KIR2DL3: variants seen among roughly 807,000 people sequenced by gnomAD.
The protein encoded by KIR2DL3 is killer cell immunoglobulin like receptor, two Ig domains and long cytoplasmic tail 3.
KIR2DL3 carries 39 observed loss-of-function variants against 33.8 expected under a neutral mutation model. The observed-to-expected ratio is 1.15, with a 90% confidence interval of 0.89 to 1.51. The LOEUF (loss-of-function observed/expected upper bound fraction) is 1.51, where lower values mean the gene tolerates loss of function less well. Among genes scored for constraint, KIR2DL3 ranks in the 40% most tolerant of loss-of-function variants. The pLI, the probability that KIR2DL3 is intolerant of heterozygous loss-of-function variation, is 0.00. For synonymous variants in KIR2DL3, 174 were observed against 160.2 expected (o/e 1.09, Z -0.65); for missense variants, 462 against 426.2 (o/e 1.08, Z -0.74).
intron 5 of KIR2DL3, 141 bp downstream of exon 5, chr19:54,747,526 G>C: frequency 8.7e-7 from 1 of 1,148,498 alleles, no homozygotes; most frequent in Non-Finnish European, 1.3e-6. Context: ...TACTCCAACA[G>C]CGAAAGGGAT....
chr19:54,744,952 A>ATTTTT (rs1158879610), intron 4 of KIR2DL3, among the ~76,000 whole-genome samples: 53 of 27,202 alleles, frequency 1.9e-3, no homozygotes, highest in African/African-American at 4.6e-3. Flanking sequence ...ATATATATAT[A>ATTTTT]TATTTTTTTT....
chr19:54,744,849 G>A (rs1402408062), intron 4 of KIR2DL3, among the ~76,000 whole-genome samples: 1 of 132,674 alleles, frequency 7.5e-6, no homozygotes, highest in Non-Finnish European at 1.6e-5. Context: ...TAAGTGTAAA[G>A]TCTAGTGGTC....
rs1253336906 is a variant in KIR2DL3, at chr19:54,749,933, A to G, written c.716-1716A>G. ...AAAATAAGAAATACATAAATATAATAAAACACACACGAATGACAAAGGCAC... is the reference window on the plus strand; with the variant it reads ...AAAATAAGAAATACATAAATATAATGAAACACACACGAATGACAAAGGCAC... On this transcript the variant is annotated intron_variant, in intron 5 of 7. Transcript: ENST00000342376. 3.1e-4 allele frequency among the ~76,000 whole-genome samples: 33 copies of G among 106,380 alleles called. 8 individuals are homozygous for G. Among genetic ancestry groups the G allele is most frequent in the Admixed American group, 1.0e-4 (1 of 9,886 alleles). 69.8% of individuals were successfully genotyped at this position (106,380 alleles called of 152,430 possible). A position where few individuals can be genotyped will look rare whatever the true frequency, so the allele number is the denominator to read the frequency against.
chr19:54,743,708 T>A, intron 3 of KIR2DL3, 87 bp from the exon 4 acceptor site: 1 of 1,014,142 alleles, frequency 9.9e-7, no homozygotes, highest in Non-Finnish European at 1.4e-6. Flanking sequence ...CATTAGGTCA[T>A]AGAGCAGGGG....
chr19:54,741,929 G>A, intron 2 of KIR2DL3, 51 bp from the exon 3 acceptor site: 2 of 1,472,644 alleles, frequency 1.4e-6, no homozygotes, highest in Non-Finnish European at 1.9e-6. Flanking sequence ...AGGTGCCATG[G>A]ATGGGATGAT....
chr19:54,742,086 T>C lies in KIR2DL3; in HGVS notation c.177T>C (p.Leu59=). The C allele has an allele frequency of 6.2e-7, 1 of 1,613,716 alleles. No homozygotes were observed. The highest frequency in any genetic ancestry group is 1.3e-5 in the African/African-American group (1 of 74,896). ...CAGATGTCAGGTTTCAGCACTTCCT[T>C]CTGCACAGAGAAGGGAAGTTTAAGG... ...CWSDVRFQHF[L]LHREGKFKDT... Residue 59 remains leucine (L), a synonymous_variant, in exon 3 of 8, where the codon CTT becomes CTC. Coordinates refer to ENST00000342376, the MANE Select transcript of KIR2DL3 (RefSeq NM_015868.3).
At chr19:54,745,546 T>G (rs1344442559) in intron 4 of KIR2DL3, among the ~76,000 whole-genome samples, 1 of 150,860 alleles carries the variant, frequency 6.6e-6, no homozygotes, top group South Asian at 2.1e-4. Context: ...TTTTTTTTAG[T>G]ATAGATGGGG....
At chr19:54,745,767 T>C (rs973289286) in intron 4 of KIR2DL3, among the ~76,000 whole-genome samples, 11 of 151,370 alleles carry the variant, frequency 7.3e-5, no homozygotes, top group African/African-American at 2.2e-4. Context: ...TCTACCACTT[T>C]GGCAGGATTT....
chr19:54,744,978 A>G (rs1016431059), intron 4 of KIR2DL3, among the ~76,000 whole-genome samples: 93 of 45,082 alleles, frequency 2.1e-3, no homozygotes, highest in Non-Finnish European at 3.3e-3. Context: ...TTTTTTTTTT[A>G]CCCTCCACCC....
intron 2 of KIR2DL3, 110 bp downstream of exon 2, chr19:54,739,652 C>T (rs896857992): frequency 4.5e-5 from 71 of 1,576,712 alleles, no homozygotes; most frequent in Non-Finnish European, 5.8e-5. Flanking sequence ...AAGAGAGGAC[C>T]CTGGGGTGCT....
At chr19:54,747,475 T>C in intron 5 of KIR2DL3, 90 bp downstream of exon 5, 6 of 1,489,226 alleles carry the variant, frequency 4.0e-6, no homozygotes, top group Non-Finnish European at 5.6e-6. Flanking sequence ...CTCGCAGCTC[T>C]GACATTGTAC....
At position 54,747,329 on chromosome 19, in the gene KIR2DL3, T is replaced by A. The variant is rs769791027; in HGVS notation, c.665-6T>A. The stretch of plus-strand genomic sequence containing the variant: ...TTCCTCACCTCTCTCCTGTCTCGTG[T>A]TCTAGGAAACCCTTCAAATAGTTGG... On this transcript the variant is annotated splice_region_variant and splice_polypyrimidine_tract_variant and intron_variant, in intron 4 of 7. Coordinates refer to ENST00000342376, the MANE Select transcript of KIR2DL3 (RefSeq NM_015868.3). 1.1e-5 allele frequency: 18 copies of A among 1,610,978 alleles called. No individual in the cohort carries two copies. The Admixed American group carries it at 3.0e-4, about 27-fold the overall frequency.
At chr19:54,746,844 A>G (rs1372156933) in intron 4 of KIR2DL3, among the ~76,000 whole-genome samples, 1 of 147,518 alleles carries the variant, frequency 6.8e-6, no homozygotes, top group Non-Finnish European at 1.5e-5. Context: ...TTAGCTGAGC[A>G]TGGTGGTCAG....
chr19:54,742,276 A>T lies in KIR2DL3; in HGVS notation c.367A>T (p.Thr123Ser). 6.2e-7 allele frequency: 1 copy of T among 1,613,846 alleles called. No homozygotes were observed. Among genetic ancestry groups the T allele is most frequent in the Non-Finnish European group, 8.5e-7 (1 of 1,179,772 alleles). ...APSDPLDIVI[T>S]GLYEKPSLSA... Reference sequence around the variant, plus strand: ...CAGTGACCCTCTGGACATCGTCATCACAGGTGAGAGTGTCCGGACATTCTC... The same window carrying T: ...CAGTGACCCTCTGGACATCGTCATCTCAGGTGAGAGTGTCCGGACATTCTC... Residue 123 changes from threonine (T) to serine (S), a missense_variant, in exon 3 of 8, where the codon ACA (threonine) becomes TCA (serine). By Grantham distance (58) the Thr-to-Ser change is moderately conservative. Transcript: ENST00000342376.
intron 5 of KIR2DL3, among the ~76,000 whole-genome samples, chr19:54,751,243 G>A (rs1308959118): frequency 3.9e-5 from 5 of 129,040 alleles, no homozygotes; most frequent in Non-Finnish European, 8.5e-5. Flanking sequence ...GAGGGGGAGC[G>A]ATGGAGCTTC....
intron 4 of KIR2DL3, 93 bp from the exon 5 acceptor site, chr19:54,747,242 C>A (rs1486500985): frequency 2.0e-6 from 3 of 1,499,466 alleles, no homozygotes; most frequent in Admixed American, 1.7e-5. Context: ...TATTAGATAA[C>A]AGAGTGTTGG....
In KIR2DL3 at chr19:54,751,579, G is replaced by T; in HGVS notation, c.716-70G>T. 1.8e-5 allele frequency: 22 copies of T among 1,243,328 alleles called. 2 individuals are homozygous for T. Among genetic ancestry groups the T allele is most frequent in the Non-Finnish European group, 2.5e-5 (22 of 884,520 alleles). 77.0% of individuals were successfully genotyped at this position (1,243,328 alleles called of 1,614,324 possible). ...TTGTATGTGGTTACCTGTCAATCAA[G>T]AAATGTGAGACAATTCATAAAGAGG... On this transcript the variant is annotated intron_variant, in intron 5 of 7. Transcript: ENST00000342376.
chr19:54,747,252 G>A (rs2072664352), intron 4 of KIR2DL3, 83 bp from the exon 5 acceptor site: 2 of 1,555,102 alleles, frequency 1.3e-6, no homozygotes, highest in Middle Eastern at 1.8e-4. Flanking sequence ...CAGAGTGTTG[G>A]CCATGAACCA....
chr19:54,740,346 CT>C (rs1334717968), intron 2 of KIR2DL3, among the ~76,000 whole-genome samples: 12 of 152,126 alleles, frequency 7.9e-5, no homozygotes, highest in Non-Finnish European at 1.6e-4. Flanking sequence ...TTCGGTGTCA[CT>C]CTTATCTTGG....
Sources: allele counts gnomAD v4.1 joint callset (sites outside exome capture counted in the v4.1 genomes callset), GRCh38; gene constraint gnomAD v4.1.1; transcripts MANE v1.5; gene names NCBI Gene and HGNC (gene_info 2026-07-23, HGNC 2026-07-21).